The following ERCC4 variants were observed in gnomAD, a reference collection of about 807,000 sequenced individuals.
ERCC4 encodes ERCC excision repair 4, endonuclease catalytic subunit, also known as DNA repair endonuclease XPF.
In ERCC4, 65 loss-of-function variants were observed where a neutral mutation model predicts 76.9. The ratio of observed to expected loss-of-function variants is 0.84; its 90% CI spans 0.69 to 1.04. The LOEUF (loss-of-function observed/expected upper bound fraction) is 1.04. ERCC4 is among the 50% of genes least tolerant of loss of function. The pLI is 0.00. For missense variants in ERCC4, 1,214 were observed against 1,128.2 expected (o/e 1.08, Z -1.09); for synonymous variants, 463 against 410.1 (o/e 1.13, Z -1.56).
At position 13,947,789 on chromosome 16, in the gene ERCC4, T is replaced by C. The variant is rs1166080130; in HGVS notation, c.2193T>C (p.Asp731=). ...GCGTGGAGCGCAAGAGTATCAGTGATTTAATCGGCTCTTTAAATAACGGCC... is the reference window on the plus strand; with the variant it reads ...GCGTGGAGCGCAAGAGTATCAGTGACTTAATCGGCTCTTTAAATAACGGCC... The part of the protein sequence containing the change: ...EMCVERKSIS[D]LIGSLNNGRL... Residue 731 remains aspartate (D), a synonymous_variant, in exon 11 of 11, where the codon GAT becomes GAC. Transcript: ENST00000311895. 5.6e-6 allele frequency: 9 copies of C among 1,614,274 alleles called. No individual in the cohort carries two copies. Among genetic ancestry groups the C allele is most frequent in the Admixed American group, 1.7e-5 (1 of 60,034 alleles).
intron 9 of ERCC4, chr16:13,943,961 T>C (rs1165224534): frequency 1.3e-5 from 2 of 152,366 alleles, no homozygotes; most frequent in African/African-American, 4.8e-5. Flanking sequence ...GTTATGATTG[T>C]ACTGTCCTCT....
At position 13,949,814 on chromosome 16, in the gene ERCC4, A is replaced by C; in HGVS notation, c.*1467A>C. Reference sequence around the variant, plus strand: ...TAATGGGTAGTAAATTTTCTACCTCAGGAGCTGATATAGACATCAGTTCTG... The same window carrying C: ...TAATGGGTAGTAAATTTTCTACCTCCGGAGCTGATATAGACATCAGTTCTG... On this transcript the variant is annotated 3_prime_UTR_variant, in exon 11 of 11. Coordinates refer to ENST00000311895, the MANE Select transcript of ERCC4 (RefSeq NM_005236.3). 1 of 232,260 alleles carries C rather than the reference A, an allele frequency of 4.3e-6. No homozygotes were observed. Among genetic ancestry groups the C allele is most frequent in the East Asian group, 6.1e-5 (1 of 16,374 alleles). 14.4% of individuals were successfully genotyped at this position (232,260 alleles called of 1,614,324 possible). A position where few individuals can be genotyped will look rare whatever the true frequency, so the allele number is the denominator to read the frequency against.
intron 2 of ERCC4, among the ~76,000 whole-genome samples, chr16:13,923,521 C>T (rs529074381): frequency 3.9e-5 from 6 of 152,138 alleles, no homozygotes; most frequent in Middle Eastern, 3.4e-3. Flanking sequence ...AATGGTAAAC[C>T]GACTGAAGAA....
intron 2 of ERCC4, chr16:13,922,439 T>G: frequency 1.3e-6 from 1 of 759,538 alleles, no homozygotes; most frequent in African/African-American, 1.7e-5. Flanking sequence ...ACTACTTTGT[T>G]GTGAATTGCA....
In ERCC4 at chr16:13,948,086, C is replaced by T; in HGVS notation, c.2490C>T (p.Ala830=). The T allele has an allele frequency of 6.2e-7, 1 of 1,614,154 alleles. No homozygotes were observed. Among genetic ancestry groups the T allele is most frequent in the South Asian group, 1.1e-5 (1 of 91,068 alleles). ...AGCCTGATGCGGCGACAGCACTGGC[C>T]ATTACAGCAGATTCTGAAACCCTTC... ...KPQPDAATAL[A]ITADSETLPE... Residue 830 remains alanine, a synonymous_variant, in exon 11 of 11, where the codon GCC becomes GCT. Coordinates refer to ENST00000311895, the MANE Select transcript of ERCC4 (RefSeq NM_005236.3).
At chr16:13,941,313 C>T (rs982271477) in intron 9 of ERCC4, among the ~76,000 whole-genome samples, 6 of 152,126 alleles carry the variant, frequency 3.9e-5, no homozygotes, top group African/African-American at 1.4e-4. Flanking sequence ...TCCCATTTTA[C>T]CCAGCAGTCA....
chr16:13,940,938 A>G (rs2032401579), intron 9 of ERCC4, among the ~76,000 whole-genome samples: 1 of 152,206 alleles, frequency 6.6e-6, no homozygotes, highest in Non-Finnish European at 1.5e-5. Flanking sequence ...AATGGGAGGA[A>G]GACAGCACCT....
intron 9 of ERCC4, among the ~76,000 whole-genome samples, chr16:13,940,785 G>C (rs575467989): frequency 6.6e-6 from 1 of 152,188 alleles, no homozygotes; most frequent in African/African-American, 2.4e-5. Flanking sequence ...TACTCCAGGG[G>C]CTCAGAGCTC....
chr16:13,923,197 T>A (rs891203567), intron 2 of ERCC4, among the ~76,000 whole-genome samples: 2 of 152,202 alleles, frequency 1.3e-5, no homozygotes, highest in African/African-American at 4.8e-5. Flanking sequence ...CATATTACCC[T>A]GTATTTCTCC....
Position 13,947,699 on chromosome 16 carries a change from T to C in ERCC4, c.2103T>C (p.Arg701=), listed in dbSNP as rs2032541669. 1.2e-6 allele frequency: 2 copies of C among 1,614,136 alleles called. No individual in the cohort carries two copies. Among genetic ancestry groups the C allele is most frequent in the African/African-American group, 2.7e-5 (2 of 74,944 alleles). Residue 701 remains arginine, a synonymous_variant, in exon 11 of 11, where the codon CGT becomes CGC. Transcript: ENST00000311895. ...FRSELPSLIH[R]RGIDIEPVTL... is the part of the protein sequence containing the mutation. ...GTGAGCTTCCATCTCTGATCCATCG[T>C]CGGGGCATTGACATTGAACCCGTGA...
chr16:13,925,421 C>T (rs939636245), intron 2 of ERCC4, among the ~76,000 whole-genome samples: 8 of 152,060 alleles, frequency 5.3e-5, no homozygotes, highest in Admixed American at 2.6e-4. Context: ...TAGTTATGTA[C>T]GTGTATTGGG....
chr16:13,933,162 C>A, intron 6 of ERCC4: 1 of 294,242 alleles, frequency 3.4e-6, no homozygotes. Context: ...GAAGGTGACA[C>A]CAAGATATGA....
chr16:13,943,932 T>C (rs1019566939), intron 9 of ERCC4: 1 of 152,220 alleles, frequency 6.6e-6, no homozygotes, highest in Non-Finnish European at 1.5e-5. Context: ...CATGATGTAG[T>C]TCCAAATTGC....
chr16:13,933,704 T>C (rs1353422298), intron 6 of ERCC4: 1 of 152,934 alleles, frequency 6.5e-6, no homozygotes, highest in Admixed American at 6.5e-5. Context: ...TGAAACTTCG[T>C]CTTAAAAAAA....
intron 2 of ERCC4, among the ~76,000 whole-genome samples, chr16:13,924,914 T>C (rs2032044887): frequency 6.6e-6 from 1 of 152,176 alleles, no homozygotes; most frequent in Admixed American, 6.5e-5. Context: ...AAAACTAAAG[T>C]AGGCTTTTGT....
chr16:13,922,834 A>G (rs962616781), intron 2 of ERCC4, among the ~76,000 whole-genome samples: 4 of 152,220 alleles, frequency 2.6e-5, no homozygotes, highest in African/African-American at 4.8e-5. Context: ...GACACATTGT[A>G]GATGCTCAGT....
intron 7 of ERCC4, chr16:13,934,848 C>T (rs919659369): frequency 1.9e-5 from 6 of 308,434 alleles, no homozygotes; most frequent in African/African-American, 1.3e-4. Context: ...ATATGAGATC[C>T]TCTGGAAAAA....
Position 13,948,455 on chromosome 16 carries a change from G to C in ERCC4, c.*108G>C. ...GTTTGCTATTTCATTCTTTTCCAAT[G>C]CTCTTAATGATTGTACGGTGGACCA... On this transcript the variant is annotated 3_prime_UTR_variant, in exon 11 of 11. Transcript: ENST00000311895. The C allele has an allele frequency of 7.6e-7, 1 of 1,323,944 alleles. No homozygotes were observed. Among genetic ancestry groups the C allele is most frequent in the Non-Finnish European group, 1.1e-6 (1 of 933,582 alleles). The allele number at this position is 1,323,944 out of a possible 1,614,324, so 82.0% of individuals were successfully genotyped here.
In ERCC4 at chr16:13,932,101, CTG is replaced by C. The variant is rs370083367; in HGVS notation, c.974-54_974-53del. On this transcript the variant is annotated intron_variant, in intron 5 of 10. Transcript: ENST00000311895. ...ATGTAGGTCATGTGACCATCAGAGA[CTG>C]TTTTAAATTAACCATAAATTGATGG... 4.6e-4 allele frequency: 675 copies of C among 1,474,018 alleles called. 2 individuals are homozygous for C. In the African/African-American group the frequency reaches 6.5e-3, roughly 14 times the overall value. The allele number at this position is 1,474,018 out of a possible 1,614,324, so 91.3% of individuals were successfully genotyped here. A position where few individuals can be genotyped will look rare whatever the true frequency, so the allele number is the denominator to read the frequency against.
Sources: gnomAD v4.1 joint callset for allele counts (sites outside exome capture counted in the v4.1 genomes callset) on GRCh38, gnomAD v4.1.1 for gene constraint, MANE v1.5 for transcripts, NCBI Gene and HGNC (gene_info 2026-07-23, HGNC 2026-07-21) for gene names.